Variants in ACTR3C observed in about 807,000 individuals in gnomAD.
ACTR3C encodes actin related protein 3C, also known as actin-related protein 3C.
A neutral mutation model predicts 26.3 loss-of-function variants in ACTR3C; 18 were observed. That is an observed-to-expected ratio of 0.68 (90% CI 0.47 to 1.01). The LOEUF (loss-of-function observed/expected upper bound fraction) is 1.01, where lower values mean the gene tolerates loss of function less well. Among genes scored for constraint, ACTR3C ranks in the 50% least tolerant of loss-of-function variants. The pLI, the probability that ACTR3C is intolerant of heterozygous loss-of-function variation, is 0.00. For synonymous variants in ACTR3C, 55 were observed against 94.5 expected (o/e 0.58, Z 2.42); for missense variants, 184 against 250.7 (o/e 0.73, Z 1.80).
chr7:150,108,812 C>A, the ACTR3C span, among the ~76,000 whole-genome samples: 1 of 150,080 alleles, frequency 6.7e-6, no homozygotes, highest in Non-Finnish European at 1.5e-5. Flanking sequence ...TTTATTATAG[C>A]AACACAAAGG....
At chr7:149,976,452 T>G in the ACTR3C span, among the ~76,000 whole-genome samples, 1 of 152,106 alleles carries the variant, frequency 6.6e-6, no homozygotes, top group East Asian at 1.9e-4. Flanking sequence ...CAGACACCTG[T>G]ATTCCCAGCT....
At chr7:150,253,338 C>G (rs1485485588) in intron 6 of ACTR3C, among the ~76,000 whole-genome samples, 2 of 152,194 alleles carry the variant, frequency 1.3e-5, no homozygotes, top group Non-Finnish European at 2.9e-5. Flanking sequence ...TTTCCAGTCT[C>G]AGGTGCAAAT....
At chr7:150,285,201 C>A (rs1263447226) in intron 5 of ACTR3C, among the ~76,000 whole-genome samples, 1 of 152,096 alleles carries the variant, frequency 6.6e-6, no homozygotes, top group Non-Finnish European at 1.5e-5. Flanking sequence ...TTTGACATAT[C>A]ATTTGACAAT....
At chr7:149,905,723 A>G in the ACTR3C span, among the ~76,000 whole-genome samples, 2 of 151,912 alleles carry the variant, frequency 1.3e-5, no homozygotes, top group Non-Finnish European at 2.9e-5. Flanking sequence ...TGAGAAATAG[A>G]AATTTTTTGA....
chr7:150,073,351 C>CAA, the ACTR3C span, among the ~76,000 whole-genome samples: 981 of 151,496 alleles, frequency 6.5e-3, 8 homozygotes, highest in African/African-American at 0.022. Flanking sequence ...GTTAACATGA[C>CAA]AAAAAAAATG....
chr7:150,035,004 G>A, the ACTR3C span, among the ~76,000 whole-genome samples: 1 of 143,934 alleles, frequency 6.9e-6, no homozygotes, highest in South Asian at 2.3e-4. Context: ...CTGTGATGGG[G>A]GTCCTCAGAG....
the ACTR3C span, among the ~76,000 whole-genome samples, chr7:150,136,407 C>T: frequency 5.3e-5 from 8 of 152,172 alleles, no homozygotes; most frequent in South Asian, 2.1e-4. Context: ...CAGTGGCTCA[C>T]GCCTGTAATC....
At chr7:150,105,910 A>G in the ACTR3C span, among the ~76,000 whole-genome samples, 36 of 152,236 alleles carry the variant, frequency 2.4e-4, no homozygotes, top group Admixed American at 1.8e-3. Context: ...GTGAAACTTA[A>G]TTTATACCTT....
chr7:149,894,015 C>A, the ACTR3C span, among the ~76,000 whole-genome samples: 9 of 152,204 alleles, frequency 5.9e-5, no homozygotes, highest in African/African-American at 2.2e-4. Context: ...AGGGATCACA[C>A]TACCTGACTT....
chr7:150,043,817 G>A, the ACTR3C span, among the ~76,000 whole-genome samples: 1 of 151,994 alleles, frequency 6.6e-6, no homozygotes, highest in South Asian at 2.1e-4. Flanking sequence ...ATAGAGTAGA[G>A]TATATAAACA....
the ACTR3C span, among the ~76,000 whole-genome samples, chr7:150,235,894 A>G: frequency 6.6e-5 from 10 of 152,030 alleles, no homozygotes; most frequent in Non-Finnish European, 1.5e-4. Context: ...TCTGATAGTA[A>G]AATTTTAAGT....
At chr7:149,948,750 C>A in the ACTR3C span, among the ~76,000 whole-genome samples, 1 of 138,426 alleles carries the variant, frequency 7.2e-6, no homozygotes, top group Non-Finnish European at 1.6e-5. Context: ...CAGCCTCAGG[C>A]AAGCCATGGC....
chr7:149,887,719 C>T, the ACTR3C span, among the ~76,000 whole-genome samples: 1 of 152,218 alleles, frequency 6.6e-6, no homozygotes, highest in African/African-American at 2.4e-5. Context: ...TATGATTTGG[C>T]TGTGCCCCCA....
chr7:150,051,845 C>G, the ACTR3C span, among the ~76,000 whole-genome samples: 1 of 151,988 alleles, frequency 6.6e-6, no homozygotes, highest in East Asian at 1.9e-4. Flanking sequence ...GGTCTACCTG[C>G]AAGCTAAGCA....
the ACTR3C span, among the ~76,000 whole-genome samples, chr7:150,065,021 A>G: frequency 1.9e-3 from 296 of 152,044 alleles, no homozygotes; most frequent in Non-Finnish European, 2.8e-3. Flanking sequence ...CATTTTCCAC[A>G]TAGCTTTTCT....
At chr7:149,925,643 A>T in the ACTR3C span, among the ~76,000 whole-genome samples, 7 of 152,196 alleles carry the variant, frequency 4.6e-5, no homozygotes, top group Non-Finnish European at 8.8e-5. Context: ...GATAAACAGG[A>T]CAGCCATAGC....
intron 6 of ACTR3C, among the ~76,000 whole-genome samples, chr7:150,280,834 A>ACG (rs1835271563): frequency 1.3e-5 from 2 of 151,570 alleles, no homozygotes; most frequent in East Asian, 3.9e-4. Flanking sequence ...ATATATACAC[A>ACG]CACACACAAT....
the ACTR3C span, among the ~76,000 whole-genome samples, chr7:150,139,313 C>T: frequency 6.6e-6 from 1 of 152,164 alleles, no homozygotes; most frequent in Non-Finnish European, 1.5e-5. Flanking sequence ...TGCCTCTGCC[C>T]ACTCTGCCTA....
chr7:149,925,026 G>C, the ACTR3C span, among the ~76,000 whole-genome samples: 2 of 151,860 alleles, frequency 1.3e-5, no homozygotes, highest in African/African-American at 4.8e-5. Context: ...TATAAAATGA[G>C]TAACTACCAT....
Sources: allele counts gnomAD v4.1 joint callset (sites outside exome capture counted in the v4.1 genomes callset), GRCh38; gene constraint gnomAD v4.1.1; transcripts MANE v1.5; gene names NCBI Gene and HGNC (gene_info 2026-07-23, HGNC 2026-07-21).